TYW1B: variants seen among roughly 807,000 people sequenced by gnomAD.
The protein encoded by TYW1B is tRNA-yW synthesizing protein 1 homolog B.
Under a neutral mutation model 86.9 loss-of-function variants are expected in TYW1B, and 73 were observed. The ratio of observed to expected loss-of-function variants is 0.84; its 90% confidence interval spans 0.70 to 1.02. The LOEUF is 1.02. Among genes scored for constraint, TYW1B ranks in the 50% least tolerant of loss-of-function variants. The probability of loss-of-function intolerance (pLI) is 0.00; values close to 1 mark genes in which losing one functional copy is unlikely to be tolerated. For synonymous variants in TYW1B, 248 were observed against 292.8 expected (o/e 0.85, Z 1.56); for missense variants, 637 against 827.4 (o/e 0.77, Z 2.82).
intron 3 of TYW1B, among the ~76,000 whole-genome samples, chr7:72,814,350 C>T (rs544697273): frequency 1.5e-4 from 23 of 152,066 alleles, no homozygotes; most frequent in Non-Finnish European, 1.2e-4. Flanking sequence ...TTTGGGAGGC[C>T]GAGGCGGGCG....
At chr7:72,690,422 T>C (rs1390302249) in intron 11 of TYW1B, among the ~76,000 whole-genome samples, 2 of 152,250 alleles carry the variant, frequency 1.3e-5, no homozygotes, top group African/African-American at 4.8e-5. Context: ...TACCAATATA[T>C]TTCTCTCCTC....
chr7:72,627,016 C>G (rs1812363542), intron 12 of TYW1B, among the ~76,000 whole-genome samples: 2 of 152,238 alleles, frequency 1.3e-5, no homozygotes, highest in South Asian at 2.1e-4. Flanking sequence ...CCCCAGCCCA[C>G]TGCTCTGATT....
chr7:72,623,059 A>T (rs1554438256), intron 12 of TYW1B, among the ~76,000 whole-genome samples: 1 of 152,200 alleles, frequency 6.6e-6, no homozygotes, highest in African/African-American at 2.4e-5. Context: ...CCTAAATCCA[A>T]TTAGGTTAGT....
chr7:72,807,012 AG>A, intron 5 of TYW1B, 53 bp downstream of exon 5: 1 of 1,576,354 alleles, frequency 6.3e-7, no homozygotes, highest in Non-Finnish European at 8.6e-7. Context: ...CTCAAGCTCG[AG>A]ATCTCCAAGC....
intron 13 of TYW1B, among the ~76,000 whole-genome samples, chr7:72,607,393 C>CGAA (rs1811825279): frequency 1.3e-5 from 1 of 76,236 alleles, no homozygotes; most frequent in African/African-American, 4.9e-5. Flanking sequence ...TTCTGTCTCT[C>CGAA]AAAAAAAAAA....
intron 12 of TYW1B, among the ~76,000 whole-genome samples, chr7:72,622,260 G>C (rs1176925489): frequency 3.3e-5 from 5 of 152,068 alleles, no homozygotes; most frequent in Non-Finnish European, 1.5e-5. Context: ...AAGGAATATA[G>C]CAGAAAAATA....
chr7:72,716,739 A>T (rs1786793827), intron 9 of TYW1B, among the ~76,000 whole-genome samples: 1 of 151,760 alleles, frequency 6.6e-6, no homozygotes, highest in African/African-American at 2.4e-5. Context: ...CCCGGGTTCA[A>T]GCAATTCTCC....
chr7:72,650,394 T>C (rs374444945), intron 11 of TYW1B, among the ~76,000 whole-genome samples: 14 of 152,140 alleles, frequency 9.2e-5, no homozygotes, highest in East Asian at 5.8e-4. Context: ...CTCTACTTTA[T>C]GTCTGACACA....
At chr7:72,764,371 C>T (rs1787737198) in intron 7 of TYW1B, among the ~76,000 whole-genome samples, 1 of 152,220 alleles carries the variant, frequency 6.6e-6, no homozygotes, top group South Asian at 2.1e-4. Context: ...CAACCTCCGC[C>T]TCCCGGGTTT....
chr7:72,613,410 T>C (rs1260351242), intron 13 of TYW1B, among the ~76,000 whole-genome samples: 1 of 136,542 alleles, frequency 7.3e-6, no homozygotes, highest in Non-Finnish European at 1.6e-5. Flanking sequence ...TCTTTTTTTT[T>C]TTTTTTTTTT....
chr7:72,616,725 C>T lies in TYW1B; in HGVS notation c.1732G>A (p.Glu578Lys). ...RELVDLIPEYEIACEHEHSNC... is the reference protein window; with the variant it reads ...RELVDLIPEYKIACEHEHSNC... ...GAGTGTTCGTGTTCACATGCAATTT[C>T]ATATTCGGGGATCAGATCCACCAGC... Residue 578 changes from glutamate (E) to lysine (K), a missense_variant, in exon 13 of 14, where the codon GAA becomes AAA. Glu to Lys is a moderately conservative substitution (Grantham distance 56). Transcript: ENST00000620995. 1 of 1,614,238 alleles carries T rather than the reference C, an allele frequency of 6.2e-7. No homozygotes were observed. Among genetic ancestry groups the T allele is most frequent in the Non-Finnish European group, 8.5e-7 (1 of 1,180,042 alleles).
chr7:72,581,778 G>A (rs565991801), intron 13 of TYW1B, among the ~76,000 whole-genome samples: 3 of 151,080 alleles, frequency 2.0e-5, no homozygotes, highest in African/African-American at 4.9e-5. Context: ...AAGAGGCTGG[G>A]GGCAGTGGCC....
At chr7:72,589,519 AG>A (rs1229010074) in intron 13 of TYW1B, among the ~76,000 whole-genome samples, 1 of 152,228 alleles carries the variant, frequency 6.6e-6, no homozygotes, top group Non-Finnish European at 1.5e-5. Context: ...CTGTGCCAGC[AG>A]GAACAGCTGG....
intron 8 of TYW1B, among the ~76,000 whole-genome samples, chr7:72,733,824 TC>T (rs1220520030): frequency 6.6e-6 from 1 of 152,000 alleles, no homozygotes; most frequent in Non-Finnish European, 1.5e-5. Flanking sequence ...TTTGATGCAA[TC>T]CCTATCAAAC....
intron 6 of TYW1B, among the ~76,000 whole-genome samples, chr7:72,780,851 C>T (rs1268523028): frequency 6.6e-6 from 1 of 151,984 alleles, no homozygotes; most frequent in Non-Finnish European, 1.5e-5. Flanking sequence ...TTTAATGCAC[C>T]ATTCAAATTC....
At chr7:72,790,326 C>G (rs1451329435) in intron 6 of TYW1B, among the ~76,000 whole-genome samples, 2 of 152,194 alleles carry the variant, frequency 1.3e-5, no homozygotes, top group East Asian at 3.9e-4. Context: ...ATGGCGGACC[C>G]ATAGGGCAAT....
chr7:72,808,499 T>C (rs1342202766), intron 4 of TYW1B, among the ~76,000 whole-genome samples: 1 of 151,004 alleles, frequency 6.6e-6, no homozygotes, highest in African/African-American at 2.4e-5. Flanking sequence ...TACACAACAA[T>C]AGAATGAAAA....
intron 13 of TYW1B, among the ~76,000 whole-genome samples, chr7:72,588,550 A>G (rs1811328033): frequency 6.6e-6 from 1 of 152,262 alleles, no homozygotes; most frequent in East Asian, 1.9e-4. Flanking sequence ...AAGTTTTATT[A>G]TCTCCAAGGA....
chr7:72,637,999 A>T (rs1585867392), intron 11 of TYW1B, among the ~76,000 whole-genome samples: 1 of 151,910 alleles, frequency 6.6e-6, no homozygotes, highest in Non-Finnish European at 1.5e-5. Context: ...AAAATTTCAT[A>T]AAATGTTTTT....
Sources: gnomAD v4.1 joint callset for allele counts (sites outside exome capture counted in the v4.1 genomes callset) on GRCh38, gnomAD v4.1.1 for gene constraint, MANE v1.5 for transcripts, NCBI Gene and HGNC (gene_info 2026-07-23, HGNC 2026-07-21) for gene names.